Variants in RGSL1 observed in about 807,000 individuals in gnomAD.
The protein encoded by RGSL1 is regulator of G protein signaling protein-like.
RGSL1 carries 97 observed loss-of-function variants against 124.7 expected under a neutral mutation model. The observed-to-expected ratio is 0.78, with a 90% CI of 0.66 to 0.92. The LOEUF (loss-of-function observed/expected upper bound fraction) is 0.92, where lower values mean the gene tolerates loss of function less well. Ranked by LOEUF, RGSL1 falls within the 40% of genes least tolerant of loss-of-function variation. The pLI, the probability that RGSL1 is intolerant of heterozygous loss-of-function variation, is 0.00. For missense variants in RGSL1, 1,233 were observed against 1,288.4 expected (o/e 0.96, Z 0.66); for synonymous variants, 424 against 438.1 (o/e 0.97, Z 0.40).
chr1:182,548,377 T>A lies in RGSL1; in HGVS notation c.2730T>A (p.Asn910Lys), dbSNP rs1169659802. The A allele has an allele frequency of 6.4e-7, 1 of 1,551,888 alleles. No homozygotes were observed. Among genetic ancestry groups the A allele is most frequent in the Non-Finnish European group, 8.7e-7 (1 of 1,147,048 alleles). Residue 910 changes from asparagine (N) to lysine (K), a missense_variant, in exon 16 of 22, where the codon AAT becomes AAA. Asn to Lys is a moderately conservative substitution (Grantham distance 94, BLOSUM62 0). Coordinates refer to ENST00000294854, the MANE Select transcript of RGSL1 (RefSeq NM_001137669.2). ...MLQVNRAYNE[N>K]DVILMRSKMN... The stretch of plus-strand genomic sequence containing the variant: ...AGGTCAACCGGGCATATAATGAGAA[T>A]GATGTGATCCTAATGCGGTCCAAAA...
chr1:182,532,662 A>G lies in RGSL1; in HGVS notation c.2365A>G (p.Lys789Glu). ...IVSTYLQESQ[K>E]KGWMRMISFI... ...GTTATACTCCTCTTTCTTTCCCCAGAAGAAAGGCTGGATGAGAATGATCAG... is the reference window on the plus strand; with the variant it reads ...GTTATACTCCTCTTTCTTTCCCCAGGAGAAAGGCTGGATGAGAATGATCAG... The change falls in exon 14 of 22, where the codon AAG (lysine) becomes GAG (glutamate). Residue 789 changes from lysine (K) to glutamate (E), a missense_variant and splice_region_variant. Lys to Glu is a moderately conservative substitution (Grantham distance 56). Coordinates refer to ENST00000294854, the MANE Select transcript of RGSL1 (RefSeq NM_001137669.2). 1.9e-6 allele frequency: 3 copies of G among 1,550,536 alleles called. No homozygotes were observed. Among genetic ancestry groups the G allele is most frequent in the Non-Finnish European group, 2.6e-6 (3 of 1,146,168 alleles).
At chr1:182,558,907 G>T (rs1293221639) in intron 21 of RGSL1, among the ~76,000 whole-genome samples, 1 of 152,098 alleles carries the variant, frequency 6.6e-6, no homozygotes, top group Non-Finnish European at 1.5e-5. Flanking sequence ...AGATTCTAGA[G>T]TTTAGAGCAT....
chr1:182,456,938 A>G (rs1272822671), intron 2 of RGSL1, among the ~76,000 whole-genome samples: 4 of 152,132 alleles, frequency 2.6e-5, no homozygotes, highest in Non-Finnish European at 5.9e-5. Flanking sequence ...CTTGAGGTCA[A>G]GAGTTCAAGA....
In RGSL1 at chr1:182,527,581, A is replaced by G; in HGVS notation, c.1934A>G (p.Asn645Ser). ...AAAGATGCTTTCTTGTTTTCCAGAAACTTGACAGAAGTCCTCTTAAATACA... is the reference window on the plus strand; with the variant it reads ...AAAGATGCTTTCTTGTTTTCCAGAAGCTTGACAGAAGTCCTCTTAAATACA... ...LVRKPSMRPRNLTEVLLNTQH... is the reference protein window; with the variant it reads ...LVRKPSMRPRSLTEVLLNTQH... Residue 645 changes from asparagine to serine, a missense_variant and splice_region_variant, in exon 11 of 22, where the codon AAC becomes AGC. Asn to Ser is a conservative substitution (Grantham distance 46). Coordinates refer to ENST00000294854, the MANE Select transcript of RGSL1 (RefSeq NM_001137669.2). 6.5e-7 allele frequency: 1 copy of G among 1,538,922 alleles called. No homozygotes were observed. The highest frequency in any genetic ancestry group is 8.7e-7 in the Non-Finnish European group (1 of 1,143,448).
rs76378816 is a variant in RGSL1, at chr1:182,500,950, T to A, written c.1825+7821T>A. 7.5e-3 allele frequency among the ~76,000 whole-genome samples: 1,147 copies of A among 152,330 alleles called. 15 individuals are homozygous for A. Among genetic ancestry groups the A allele is most frequent in the Middle Eastern group, 0.037 (11 of 294 alleles). ...GTGTCACCTCTGAATAAAATAGCTT[T>A]GCTTGTTCCTTCCCAATGTGGACAT... On this transcript the variant is annotated intron_variant, in intron 9 of 21. Coordinates refer to ENST00000294854, the MANE Select transcript of RGSL1 (RefSeq NM_001137669.2).
At chr1:182,454,116 T>TTTTG (rs1293041067) in intron 2 of RGSL1, 76 bp downstream of exon 2, 2 of 859,370 alleles carry the variant, frequency 2.3e-6, no homozygotes, top group Non-Finnish European at 3.7e-6. Flanking sequence ...GAGTGACTTT[T>TTTTG]TTTGTTTGTT....
intron 19 of RGSL1, 123 bp downstream of exon 19, chr1:182,553,664 T>A: frequency 2.6e-6 from 2 of 776,708 alleles, no homozygotes; most frequent in Non-Finnish European, 4.2e-6. Context: ...GTGAAGTAAC[T>A]TGCTGAAGAT....
chr1:182,452,765 T>C (rs1037946855), intron 1 of RGSL1, among the ~76,000 whole-genome samples: 2 of 152,188 alleles, frequency 1.3e-5, no homozygotes, highest in African/African-American at 2.4e-5. Flanking sequence ...GAGTTTCTAA[T>C]TCTATTTCTA....
chr1:182,489,470 G>A (rs1197572579), intron 8 of RGSL1, among the ~76,000 whole-genome samples: 2 of 152,194 alleles, frequency 1.3e-5, no homozygotes, highest in Admixed American at 6.5e-5. Flanking sequence ...GGGAGCCAGA[G>A]TGCTCAAGTG....
chr1:182,496,544 T>C (rs1426911442), intron 9 of RGSL1, among the ~76,000 whole-genome samples: 1 of 152,198 alleles, frequency 6.6e-6, no homozygotes, highest in Non-Finnish European at 1.5e-5. Context: ...TATTTCAAGA[T>C]TATCCTTTTC....
At position 182,472,478 on chromosome 1, in the gene RGSL1, C is replaced by G; in HGVS notation, c.384C>G (p.Tyr128Ter). The change falls in exon 5 of 22, where the codon TAC becomes TAG. Residue 128 changes from tyrosine (Y) to a stop codon, truncating the protein, a stop_gained. Coordinates refer to ENST00000294854, the MANE Select transcript of RGSL1 (RefSeq NM_001137669.2). LOFTEE classifies it high-confidence loss of function. ...DEMDLEVRDY[Y>*]LSLLLMLRAT... ...TGGACCTGGAAGTGAGAGACTACTA[C>G]CTGTCCCTCCTCCTCATGCTGAGGG... 1 of 1,551,104 alleles carries G rather than the reference C, an allele frequency of 6.4e-7. No individual in the cohort carries two copies. The highest frequency in any genetic ancestry group is 8.7e-7 in the Non-Finnish European group (1 of 1,146,564).
chr1:182,489,250 G>A (rs761022828), intron 8 of RGSL1, 48 bp downstream of exon 8: 12 of 1,392,820 alleles, frequency 8.6e-6, no homozygotes, highest in Non-Finnish European at 2.0e-6. Flanking sequence ...ATGGGCAACT[G>A]GAAAATAATA....
chr1:182,524,723 C>T (rs1217166035), intron 10 of RGSL1, among the ~76,000 whole-genome samples: 1 of 152,172 alleles, frequency 6.6e-6, no homozygotes, highest in Non-Finnish European at 1.5e-5. Flanking sequence ...TTTGAAGCTC[C>T]ACAAAAAAGC....
intron 7 of RGSL1, 137 bp from the exon 8 acceptor site, chr1:182,488,843 A>G (rs1655309824): frequency 1.5e-6 from 1 of 650,362 alleles, no homozygotes; most frequent in Non-Finnish European, 2.6e-6. Context: ...TAAAGGAGCA[A>G]TGGTTCTTAA....
intron 21 of RGSL1, among the ~76,000 whole-genome samples, chr1:182,558,543 T>C (rs142104553): frequency 7.9e-5 from 12 of 152,252 alleles, no homozygotes; most frequent in Admixed American, 7.2e-4. Flanking sequence ...TGTTTCCTGG[T>C]TCATTCAGGT....
chr1:182,531,033 G>A, intron 13 of RGSL1, 123 bp downstream of exon 13: 1 of 1,147,762 alleles, frequency 8.7e-7, no homozygotes, highest in Admixed American at 2.9e-5. Context: ...ACTATACTAG[G>A]AATTTAAGCA....
chr1:182,517,710 G>T (rs1205477398), intron 9 of RGSL1, among the ~76,000 whole-genome samples: 1 of 152,044 alleles, frequency 6.6e-6, no homozygotes, highest in Non-Finnish European at 1.5e-5. Context: ...TAAGTTCCAA[G>T]ATTTCTGTTT....
intron 6 of RGSL1, among the ~76,000 whole-genome samples, chr1:182,481,198 C>T (rs1176235801): frequency 6.8e-6 from 1 of 146,570 alleles, no homozygotes; most frequent in East Asian, 2.2e-4. Context: ...CCAACAAATC[C>T]TTAGCTAGGC....
upstream of RGSL1, chr1:182,450,113 T>G: frequency 6.5e-7 from 1 of 1,550,140 alleles, no homozygotes; most frequent in Admixed American, 2.0e-5. Context: ...TTCTATTGAC[T>G]GGGGGGTAAT....
Sources: allele counts gnomAD v4.1 joint callset (sites outside exome capture counted in the v4.1 genomes callset), GRCh38; gene constraint gnomAD v4.1.1; transcripts MANE v1.5; gene names NCBI Gene and HGNC (gene_info 2026-07-23, HGNC 2026-07-21).